Variants in TBXAS1 observed in about 807,000 individuals in gnomAD.
TBXAS1 encodes the protein thromboxane-A synthase.
In TBXAS1, 48 loss-of-function variants were observed where a neutral mutation model predicts 60.7. The observed-to-expected ratio is 0.79, with a 90% CI of 0.63 to 1.01. The LOEUF (loss-of-function observed/expected upper bound fraction) is 1.01. Among genes scored for constraint, TBXAS1 ranks in the 50% least tolerant of loss-of-function variants. The pLI is 0.00. For synonymous variants in TBXAS1, 287 were observed against 269.7 expected, an observed-to-expected ratio of 1.06 and a Z score of -0.63; for missense variants, 685 against 686.3, an observed-to-expected ratio of 1.00 and a Z score of 0.02.
chr7:139,980,669 T>C (rs1440678026), intron 9 of TBXAS1, among the ~76,000 whole-genome samples: 2 of 151,610 alleles, frequency 1.3e-5, no homozygotes, highest in Admixed American at 6.6e-5. Context: ...CCTTCATCAA[T>C]GTCTCTATTT....
intron 1 of TBXAS1, among the ~76,000 whole-genome samples, chr7:139,845,531 A>G (rs1799741566): frequency 6.6e-6 from 1 of 151,534 alleles, no homozygotes; most frequent in African/African-American, 2.4e-5. Context: ...CTCTCTCATC[A>G]CTTACCTGGC....
At chr7:140,015,925 T>A in intron 11 of TBXAS1, 65 bp downstream of exon 11, 6 of 1,608,398 alleles carry the variant, frequency 3.7e-6, no homozygotes, top group Non-Finnish European at 5.1e-6. Flanking sequence ...AATTTACCAG[T>A]GGAGGCAGCA....
intron 5 of TBXAS1, among the ~76,000 whole-genome samples, chr7:139,947,050 T>C (rs1808777030): frequency 6.6e-6 from 1 of 152,158 alleles, no homozygotes; most frequent in South Asian, 2.1e-4. Context: ...CGTTACTCTC[T>C]TTGCCCACTC....
At chr7:139,783,924 T>G (rs1797083598) in intron 3 of TBXAS1, among the ~76,000 whole-genome samples, 3 of 152,024 alleles carry the variant, frequency 2.0e-5, no homozygotes, top group Non-Finnish European at 4.4e-5. Flanking sequence ...AAACATGAGT[T>G]AGTTAGACAC....
intron 1 of TBXAS1, among the ~76,000 whole-genome samples, chr7:139,846,716 T>C (rs1799831577): frequency 6.6e-6 from 1 of 152,260 alleles, no homozygotes; most frequent in South Asian, 2.1e-4. Flanking sequence ...TCATTTTGAA[T>C]AATCCTGGAC....
chr7:139,814,226 T>G (rs1798093010), intron 4 of TBXAS1, among the ~76,000 whole-genome samples: 1 of 152,162 alleles, frequency 6.6e-6, no homozygotes, highest in African/African-American at 2.4e-5. Flanking sequence ...CTCAGACAAT[T>G]GGTTTGTTTT....
chr7:139,823,862 A>T (rs1433692821), intron 4 of TBXAS1, among the ~76,000 whole-genome samples: 1 of 152,122 alleles, frequency 6.6e-6, no homozygotes, highest in Non-Finnish European at 1.5e-5. Flanking sequence ...AGGCTGAGTA[A>T]AGTTAGAGAA....
intron 1 of TBXAS1, among the ~76,000 whole-genome samples, chr7:139,835,102 T>C (rs912730989): frequency 2.0e-5 from 3 of 150,816 alleles, no homozygotes; most frequent in African/African-American, 7.3e-5. Flanking sequence ...AGTCTTGCTC[T>C]GTCGCCCAGG....
intron 3 of TBXAS1, among the ~76,000 whole-genome samples, chr7:139,895,225 G>T (rs1042195100): frequency 6.6e-6 from 1 of 152,200 alleles, no homozygotes; most frequent in African/African-American, 2.4e-5. Flanking sequence ...GAATGGTTGG[G>T]GGAATGGAAG....
At chr7:140,001,941 G>C (rs903193282) in intron 9 of TBXAS1, among the ~76,000 whole-genome samples, 1 of 152,156 alleles carries the variant, frequency 6.6e-6, no homozygotes, top group Non-Finnish European at 1.5e-5. Context: ...GATCCCAAAT[G>C]TGGGAGATGT....
At chr7:139,868,003 G>C (rs1453845783) in intron 1 of TBXAS1, among the ~76,000 whole-genome samples, 1 of 152,166 alleles carries the variant, frequency 6.6e-6, no homozygotes, top group Non-Finnish European at 1.5e-5. Flanking sequence ...TTTGTGTCCT[G>C]TAGCGTTTAA....
chr7:139,966,158 C>T (rs1450959016), intron 9 of TBXAS1, among the ~76,000 whole-genome samples: 2 of 152,182 alleles, frequency 1.3e-5, no homozygotes, highest in Non-Finnish European at 2.9e-5. Context: ...TAGAGCATCC[C>T]CATGCCTCAT....
At chr7:139,983,449 A>G (rs1812106938) in intron 9 of TBXAS1, among the ~76,000 whole-genome samples, 1 of 152,212 alleles carries the variant, frequency 6.6e-6, no homozygotes, top group African/African-American at 2.4e-5. Context: ...CAGAGAGGTT[A>G]AGTGTTTTTC....
At position 139,852,777 on chromosome 7, in the gene TBXAS1, G is replaced by C. The variant is rs886131234; in HGVS notation, c.90-19458G>C. On this transcript the variant is annotated intron_variant, in intron 1 of 12. Transcript: ENST00000448866. This position sits in a 1 kb window ranked among gnomAD's most constrained non-coding sequence, Gnocchi z 4.4. Reference sequence around the variant, plus strand: ...GGACGGGTCATAGTGCAATAGAAAGGTGGAAATATTGGCTGGGTTTATGAA... The same window carrying C: ...GGACGGGTCATAGTGCAATAGAAAGCTGGAAATATTGGCTGGGTTTATGAA... Among the ~76,000 whole-genome samples the C allele has an allele frequency of 6.6e-6, 1 of 152,118 alleles. No individual in the cohort carries two copies. The highest frequency in any genetic ancestry group is 1.9e-4 in the East Asian group (1 of 5,200).
chr7:139,936,244 C>G lies in TBXAS1; in HGVS notation c.387C>G (p.Asp129Glu), dbSNP rs763711236. The G allele has an allele frequency of 1.9e-6, 3 of 1,614,190 alleles. 1 individual carries two copies. In the South Asian group the frequency reaches 3.3e-5, roughly 18 times the overall value. Residue 129 changes from aspartate to glutamate, a missense_variant, in exon 5 of 13, where the codon GAC becomes GAG. Physicochemically the swap from Asp to Glu is conservative, Grantham distance 45. Transcript: ENST00000448866. ...CCGACAGCGTTCTGTTTTTACGTGA[C>G]AAAAGATGGGAAGAGGTCAGAGGTG... ...SVADSVLFLR[D>E]KRWEEVRGAL...
At chr7:139,965,049 T>A (rs1309042151) in intron 9 of TBXAS1, among the ~76,000 whole-genome samples, 1 of 152,102 alleles carries the variant, frequency 6.6e-6, no homozygotes, top group African/African-American at 2.4e-5. Flanking sequence ...TAAAACTCCA[T>A]CTCTACTAAA....
intron 12 of TBXAS1, 96 bp from the exon 13 acceptor site, chr7:140,019,929 G>C: frequency 8.4e-7 from 1 of 1,196,584 alleles, no homozygotes; most frequent in South Asian, 1.3e-5. Context: ...TGTGACCTTG[G>C]ACAACGGACT....
chr7:139,981,909 T>C (rs900044809), intron 9 of TBXAS1, among the ~76,000 whole-genome samples: 3 of 152,254 alleles, frequency 2.0e-5, no homozygotes, highest in African/African-American at 4.8e-5. Flanking sequence ...ACAATTTTTA[T>C]TGGAGTGTGA....
chr7:140,010,325 A>G (rs1814512582), intron 10 of TBXAS1, among the ~76,000 whole-genome samples: 1 of 152,176 alleles, frequency 6.6e-6, no homozygotes, highest in Non-Finnish European at 1.5e-5. Flanking sequence ...ACTTTTCCCA[A>G]GTGCTGACAC....
Sources: allele counts gnomAD v4.1 joint callset (sites outside exome capture counted in the v4.1 genomes callset), GRCh38; gene constraint gnomAD v4.1.1; non-coding constraint Gnocchi (gnomAD v3.1); transcripts MANE v1.5; gene names NCBI Gene and HGNC (gene_info 2026-07-23, HGNC 2026-07-21).